Variants in GRID1 observed in about 807,000 individuals in gnomAD.
GRID1 encodes glutamate ionotropic receptor delta type subunit 1.
Under a neutral mutation model 98.0 loss-of-function variants are expected in GRID1, and 28 were observed. The observed-to-expected ratio is 0.29, with a 90% CI of 0.21 to 0.39. The LOEUF (loss-of-function observed/expected upper bound fraction) is 0.39, where lower values mean the gene tolerates loss of function less well. GRID1 is among the 10% of genes least tolerant of loss of function. The probability of loss-of-function intolerance (pLI) is 1.00; values close to 1 mark genes in which losing one functional copy is unlikely to be tolerated. For synonymous variants in GRID1, 553 were observed against 538.5 expected, an observed-to-expected ratio of 1.03 and a Z score of -0.37; for missense variants, 1,111 against 1,340.5, an observed-to-expected ratio of 0.83 and a Z score of 2.67.
chr10:85,662,629 A>G (rs535320281), intron 12 of GRID1, among the ~76,000 whole-genome samples: 1 of 152,332 alleles, frequency 6.6e-6, no homozygotes, highest in Admixed American at 6.5e-5. Flanking sequence ...CCAGGGAAGA[A>G]GCCATGTTCC....
chr10:86,363,433 G>A (rs1049991931), intron 2 of GRID1, among the ~76,000 whole-genome samples: 4 of 152,238 alleles, frequency 2.6e-5, no homozygotes, highest in South Asian at 2.1e-4. Context: ...GGCTCTGGGG[G>A]CCGCGGGGCG....
chr10:85,977,541 A>G (rs988339741), intron 4 of GRID1, among the ~76,000 whole-genome samples: 6 of 152,250 alleles, frequency 3.9e-5, no homozygotes, highest in Non-Finnish European at 1.5e-5. Context: ...GGGCATATTC[A>G]TAGCTATGAA....
At chr10:86,363,872 T>C in intron 2 of GRID1, 69 bp downstream of exon 2, 2 of 1,378,150 alleles carry the variant, frequency 1.5e-6, no homozygotes, top group Non-Finnish European at 2.0e-6. Flanking sequence ...TCCCAACCCC[T>C]CCGGTGCCCA....
chr10:85,652,554 C>G (rs1312176966), intron 12 of GRID1, among the ~76,000 whole-genome samples: 1 of 152,154 alleles, frequency 6.6e-6, no homozygotes, highest in Non-Finnish European at 1.5e-5. Context: ...TGACTTGAAA[C>G]TTTCATAGCT....
chr10:85,810,249 C>T (rs1425016353), intron 8 of GRID1, among the ~76,000 whole-genome samples: 1 of 152,060 alleles, frequency 6.6e-6, no homozygotes, highest in Non-Finnish European at 1.5e-5. Flanking sequence ...GGGCCTCCAA[C>T]CATGGGATTC....
chr10:85,664,634 A>T (rs946447873), intron 12 of GRID1, among the ~76,000 whole-genome samples: 2 of 152,210 alleles, frequency 1.3e-5, no homozygotes, highest in Non-Finnish European at 2.9e-5. Context: ...AGCCACAGGC[A>T]TGGGTACCTT....
At chr10:86,144,902 G>A (rs761573487) in intron 3 of GRID1, among the ~76,000 whole-genome samples, 12 of 152,066 alleles carry the variant, frequency 7.9e-5, no homozygotes, top group African/African-American at 1.2e-4. Context: ...AACATTTCCC[G>A]AGTTCCACTC....
chr10:85,657,609 T>A (rs779564596), intron 12 of GRID1, among the ~76,000 whole-genome samples: 17 of 152,200 alleles, frequency 1.1e-4, no homozygotes, highest in Non-Finnish European at 2.1e-4. Context: ...TGTGAGTCAA[T>A]CATCTGCAGA....
chr10:85,669,068 G>T (rs1412824853), intron 12 of GRID1, among the ~76,000 whole-genome samples: 4 of 152,216 alleles, frequency 2.6e-5, no homozygotes, highest in Non-Finnish European at 5.9e-5. Flanking sequence ...TGACACATGG[G>T]CTAATCACAG....
chr10:86,024,270 G>A (rs929469460), intron 4 of GRID1, among the ~76,000 whole-genome samples: 15 of 152,086 alleles, frequency 9.9e-5, no homozygotes, highest in South Asian at 2.1e-4. Context: ...TCACCCAGCC[G>A]TCTGGTGCAA....
chr10:85,694,627 A>C (rs1841373709), intron 12 of GRID1, among the ~76,000 whole-genome samples: 1 of 144,694 alleles, frequency 6.9e-6, no homozygotes, highest in South Asian at 2.3e-4. Context: ...AGCCATAAAA[A>C]AGAATAAAAT....
chr10:86,331,746 T>C (rs1848145558), intron 2 of GRID1, among the ~76,000 whole-genome samples: 1 of 152,192 alleles, frequency 6.6e-6, no homozygotes, highest in Non-Finnish European at 1.5e-5. Flanking sequence ...TGAGTTTCCA[T>C]TTCCTCATCT....
chr10:86,210,784 GA>G (rs1846097382), intron 2 of GRID1, among the ~76,000 whole-genome samples: 1 of 152,250 alleles, frequency 6.6e-6, no homozygotes, highest in African/African-American at 2.4e-5. Flanking sequence ...GGGCACTGTT[GA>G]AATGATGGTT....
chr10:85,689,461 A>G, intron 12 of GRID1, among the ~76,000 whole-genome samples: 1 of 151,714 alleles, frequency 6.6e-6, no homozygotes, highest in Non-Finnish European at 1.5e-5. Flanking sequence ...AAAAAAAGCA[A>G]TAATAAAAGG....
intron 4 of GRID1, among the ~76,000 whole-genome samples, chr10:86,088,684 C>A (rs1844100250): frequency 6.6e-6 from 1 of 152,072 alleles, no homozygotes; most frequent in Non-Finnish European, 1.5e-5. Flanking sequence ...TTATTCTCCC[C>A]ACTAAGTACA....
chr10:86,003,674 A>G (rs1331628900), intron 4 of GRID1, among the ~76,000 whole-genome samples: 2 of 152,202 alleles, frequency 1.3e-5, no homozygotes, highest in African/African-American at 4.8e-5. Flanking sequence ...CTCTTTCCAT[A>G]AGGGTTTAGA....
chr10:86,343,722 C>T (rs1848343145), intron 2 of GRID1, among the ~76,000 whole-genome samples: 1 of 152,174 alleles, frequency 6.6e-6, no homozygotes, highest in Admixed American at 6.5e-5. Context: ...GGCGTGAATC[C>T]CCACATCTCC....
chr10:86,016,585 C>T (rs994775685), intron 4 of GRID1, among the ~76,000 whole-genome samples: 8 of 152,276 alleles, frequency 5.3e-5, no homozygotes, highest in African/African-American at 1.9e-4. Context: ...CCGAGAACAG[C>T]GTCTAGCACA....
intron 12 of GRID1, among the ~76,000 whole-genome samples, chr10:85,665,222 G>C (rs1468155118): frequency 6.6e-6 from 1 of 152,038 alleles, no homozygotes; most frequent in Non-Finnish European, 1.5e-5. Context: ...CAGCCCCAGG[G>C]TCACACCTGG....
Sources: gnomAD v4.1 joint callset for allele counts (sites outside exome capture counted in the v4.1 genomes callset) on GRCh38, gnomAD v4.1.1 for gene constraint, MANE v1.5 for transcripts, NCBI Gene and HGNC (gene_info 2026-07-23, HGNC 2026-07-21) for gene names.